The following GARIN2 variants were observed in gnomAD, a reference collection of about 807,000 sequenced individuals.
The protein encoded by GARIN2 is Golgi-associated RAB2 interactor protein 2.
chr14:67,192,447 A>G, the GARIN2 span, among the ~76,000 whole-genome samples: 3 of 152,170 alleles, frequency 2.0e-5, no homozygotes, highest in South Asian at 4.2e-4. Flanking sequence ...TAATTATGAT[A>G]TCTTAGTAAG....
At chr14:67,189,635 A>G in the GARIN2 span, 3 of 152,142 alleles carry the variant, frequency 2.0e-5, no homozygotes, top group Non-Finnish European at 4.4e-5. Flanking sequence ...GAATAGTTCA[A>G]TTAATTCTGG....
At chr14:67,216,241 T>C in the GARIN2 span, among the ~76,000 whole-genome samples, 1 of 152,180 alleles carries the variant, frequency 6.6e-6, no homozygotes, top group African/African-American at 2.4e-5. Flanking sequence ...TTTTGTTTTC[T>C]TGAGGATTTT....
chr14:67,206,912 TAG>T, the GARIN2 span, among the ~76,000 whole-genome samples: 1 of 152,036 alleles, frequency 6.6e-6, no homozygotes, highest in East Asian at 1.9e-4. Context: ...GTATTTTTAG[TAG>T]AGATGGGGTT....
At chr14:67,224,426 T>C in the GARIN2 span, among the ~76,000 whole-genome samples, 1 of 151,822 alleles carries the variant, frequency 6.6e-6, no homozygotes, top group Non-Finnish European at 1.5e-5. Context: ...GCCTAGCTAA[T>C]TGTTTTTGTA....
the GARIN2 span, among the ~76,000 whole-genome samples, chr14:67,217,765 T>G: frequency 2.0e-5 from 3 of 152,178 alleles, no homozygotes; most frequent in Non-Finnish European, 4.4e-5. Context: ...CTTAAGATTA[T>G]TATTTTAAAT....
the GARIN2 span, chr14:67,203,068 C>T: frequency 5.7e-5 from 92 of 1,603,644 alleles, no homozygotes; most frequent in South Asian, 8.9e-5. Flanking sequence ...CATCATATAA[C>T]GCCTTTTCCT....
chr14:67,197,541 C>T, the GARIN2 span, among the ~76,000 whole-genome samples: 2 of 149,278 alleles, frequency 1.3e-5, no homozygotes, highest in African/African-American at 5.1e-5. Flanking sequence ...TATCAGTGGT[C>T]CCCTTGGCAG....
the GARIN2 span, among the ~76,000 whole-genome samples, chr14:67,224,254 C>CTT: frequency 6.9e-6 from 1 of 145,714 alleles, no homozygotes; most frequent in Non-Finnish European, 1.5e-5. Context: ...TCATTTCTCT[C>CTT]TTTTCTTTTT....
chr14:67,199,075 C>T, the GARIN2 span: 7 of 917,638 alleles, frequency 7.6e-6, no homozygotes, highest in African/African-American at 4.9e-5. Context: ...GCTACCAGGC[C>T]GATCTCCGAG....
chr14:67,193,712 A>G, the GARIN2 span, among the ~76,000 whole-genome samples: 46,376 of 146,800 alleles, frequency 0.32, 11,496 homozygotes, highest in African/African-American at 0.67. Context: ...GGAGGCCAAA[A>G]CAGGTGGATC....
chr14:67,224,468 G>C, the GARIN2 span, among the ~76,000 whole-genome samples: 1 of 151,792 alleles, frequency 6.6e-6, no homozygotes, highest in Non-Finnish European at 1.5e-5. Flanking sequence ...CATTGTGTTA[G>C]CCAGGATGGT....
chr14:67,211,325 G>A, the GARIN2 span, among the ~76,000 whole-genome samples: 1 of 152,130 alleles, frequency 6.6e-6, no homozygotes, highest in Non-Finnish European at 1.5e-5. Flanking sequence ...AAAACCTAAT[G>A]TAGATTTGAC....
At chr14:67,225,567 T>C in the GARIN2 span, among the ~76,000 whole-genome samples, 1 of 152,210 alleles carries the variant, frequency 6.6e-6, no homozygotes, top group Non-Finnish European at 1.5e-5. Context: ...AACCTTATCA[T>C]GCTCTTTCCC....
the GARIN2 span, among the ~76,000 whole-genome samples, chr14:67,194,446 T>G: frequency 6.6e-6 from 1 of 152,054 alleles, no homozygotes. Context: ...GGCGTGTGTG[T>G]GTGTGTGCTG....
the GARIN2 span, chr14:67,208,215 A>G: frequency 3.7e-6 from 6 of 1,611,924 alleles, no homozygotes; most frequent in Non-Finnish European, 5.1e-6. Flanking sequence ...AAATTGAAAA[A>G]CATTCTGAAG....
At chr14:67,203,189 T>A in the GARIN2 span, 1 of 1,613,834 alleles carries the variant, frequency 6.2e-7, no homozygotes, top group South Asian at 1.1e-5. Flanking sequence ...AGATCCCCAA[T>A]GTGATGCTAC....
At chr14:67,221,902 G>T in the GARIN2 span, 1 of 1,485,272 alleles carries the variant, frequency 6.7e-7, no homozygotes. Context: ...AAGAGCAAAG[G>T]AATTCAGCTA....
the GARIN2 span, chr14:67,221,634 G>C: frequency 8.4e-7 from 1 of 1,188,994 alleles, no homozygotes; most frequent in South Asian, 1.6e-5. Context: ...TCTATAATCA[G>C]CAATGGCCTA....
At chr14:67,204,573 T>A in the GARIN2 span, 4 of 1,613,628 alleles carry the variant, frequency 2.5e-6, no homozygotes, top group Admixed American at 6.7e-5. Context: ...TTTCTGTGCA[T>A]GATGCGGAGA....
Sources: gnomAD v4.1 joint callset for allele counts (sites outside exome capture counted in the v4.1 genomes callset) on GRCh38, gnomAD v4.1.1 for gene constraint, MANE v1.5 for transcripts, NCBI Gene and HGNC (gene_info 2026-07-23, HGNC 2026-07-21) for gene names.